The following PDZD2 variants were observed in gnomAD, a reference collection of about 807,000 sequenced individuals.
The protein encoded by PDZD2 is PDZ domain-containing protein 2.
PDZD2 carries 90 observed loss-of-function variants against 220.7 expected under a neutral mutation model. The ratio of observed to expected loss-of-function variants is 0.41; its 90% CI spans 0.34 to 0.49. The LOEUF is 0.49. Among genes scored for constraint, PDZD2 ranks in the 20% least tolerant of loss-of-function variants. PDZD2 has a pLI of 0.28. For missense variants in PDZD2, 3,174 were observed against 3,608.5 expected (o/e 0.88, Z 3.08); for synonymous variants, 1,375 against 1,450.5 (o/e 0.95, Z 1.18).
intron 14 of PDZD2, among the ~76,000 whole-genome samples, chr5:32,067,647 A>C (rs1291272074): frequency 1.3e-5 from 2 of 152,220 alleles, no homozygotes; most frequent in Non-Finnish European, 2.9e-5. Context: ...ATATTATTTT[A>C]GTACATAAAA....
chr5:32,045,478 G>A (rs1416727357), intron 7 of PDZD2, among the ~76,000 whole-genome samples: 1 of 150,930 alleles, frequency 6.6e-6, no homozygotes, highest in Non-Finnish European at 1.5e-5. Context: ...CTGGAGTGCG[G>A]TGGCGTGATC....
chr5:31,992,437 GTATATATA>G (rs35302605), intron 3 of PDZD2, among the ~76,000 whole-genome samples: 1 of 151,392 alleles, frequency 6.6e-6, no homozygotes, highest in Non-Finnish European at 1.5e-5. Flanking sequence ...TCTTCTGTCA[GTATATATA>G]TATATACATT....
chr5:31,921,759 A>G (rs1238889841), intron 2 of PDZD2, among the ~76,000 whole-genome samples: 1 of 152,090 alleles, frequency 6.6e-6, no homozygotes, highest in East Asian at 1.9e-4. Context: ...TATTCTTGCT[A>G]CTTAGATTAT....
At chr5:31,843,855 C>CT (rs1250473336) in intron 2 of PDZD2, 4 of 152,184 alleles carry the variant, frequency 2.6e-5, no homozygotes, top group African/African-American at 9.7e-5. Flanking sequence ...CCCCTAAAGC[C>CT]TGGAGAGGAA....
In PDZD2 at chr5:32,074,154, C is replaced by T. The variant is rs376480655; in HGVS notation, c.3048C>T (p.Asn1016=). The T allele has an allele frequency of 2.5e-6, 4 of 1,614,082 alleles. No individual in the cohort carries two copies. The highest frequency in any genetic ancestry group is 3.4e-6 in the Non-Finnish European group (4 of 1,180,032). ...CTTCCAAGGGCATGGACGTCCACAA[C>T]CAAGAGGAACGACCCCGGAAAACAC... The part of the protein sequence containing the change: ...ISSSKGMDVH[N]QEERPRKTLV... Residue 1016 remains asparagine, a synonymous_variant, in exon 18 of 25, where the codon AAC becomes AAT. Transcript: ENST00000438447.
chr5:31,793,785 C>G (rs1753852945), intron 1 of PDZD2, among the ~76,000 whole-genome samples: 1 of 152,138 alleles, frequency 6.6e-6, no homozygotes, highest in East Asian at 1.9e-4. Flanking sequence ...CCAGCATGGG[C>G]AACAGAGTGA....
intron 3 of PDZD2, among the ~76,000 whole-genome samples, chr5:31,984,566 G>A (rs920157460): frequency 6.6e-6 from 1 of 150,500 alleles, no homozygotes; most frequent in Non-Finnish European, 1.5e-5. Context: ...TTGAGGCCAG[G>A]CGCGGCAGCT....
Position 31,983,524 on chromosome 5 carries a change from G to A in PDZD2, c.846G>A (p.Glu282=). 6.2e-7 allele frequency: 1 copy of A among 1,614,202 alleles called. No individual in the cohort carries two copies. Among genetic ancestry groups the A allele is most frequent in the Middle Eastern group, 1.6e-4 (1 of 6,062 alleles). The part of the protein sequence containing the change: ...SLKEVAGPHL[E]RSEVDRGTEH... The stretch of plus-strand genomic sequence containing the variant: ...AGGAGGTGGCTGGACCCCATCTAGA[G>A]AGGTCAGAAGTGGACAGAGGGACAG... Residue 282 remains glutamate (E), a synonymous_variant, in exon 3 of 25, where the codon GAG becomes GAA. Coordinates refer to ENST00000438447, the MANE Select transcript of PDZD2 (RefSeq NM_178140.4).
chr5:32,077,440 C>T, intron 18 of PDZD2, 22 bp from the exon 19 acceptor site: 2 of 1,612,218 alleles, frequency 1.2e-6, no homozygotes, highest in South Asian at 1.1e-5. Flanking sequence ...TTTCAAGTGG[C>T]TTGTGGTTGT....
intron 2 of PDZD2, among the ~76,000 whole-genome samples, chr5:31,859,005 G>A (rs898005209): frequency 3.9e-5 from 6 of 151,950 alleles, no homozygotes; most frequent in African/African-American, 7.3e-5. Context: ...GTGAGCCCCC[G>A]AGCCCAGCCA....
chr5:31,999,031 A>G (rs898707928), intron 4 of PDZD2, among the ~76,000 whole-genome samples: 2 of 152,274 alleles, frequency 1.3e-5, no homozygotes, highest in African/African-American at 4.8e-5. Flanking sequence ...GCTCTGGCAC[A>G]GTGTGCCATG....
intron 2 of PDZD2, among the ~76,000 whole-genome samples, chr5:31,937,353 G>C (rs1027704742): frequency 1.3e-5 from 2 of 152,190 alleles, no homozygotes; most frequent in African/African-American, 2.4e-5. Context: ...GAGGTAGGTG[G>C]AGAATTTTGT....
intron 2 of PDZD2, among the ~76,000 whole-genome samples, chr5:31,865,300 TTTTTG>T (rs1561522653): frequency 6.6e-6 from 1 of 151,994 alleles, no homozygotes; most frequent in Non-Finnish European, 1.5e-5. Flanking sequence ...TTTGTTGTTG[TTTTTG>T]TTTTGTTTTG....
chr5:31,732,260 T>C (rs997736587), intron 1 of PDZD2, among the ~76,000 whole-genome samples: 3 of 152,172 alleles, frequency 2.0e-5, no homozygotes, highest in Admixed American at 2.0e-4. Flanking sequence ...TGAGCTTCAG[T>C]GTGGAGAGGT....
At chr5:31,673,686 C>A (rs1042773182) in intron 1 of PDZD2, among the ~76,000 whole-genome samples, 1 of 152,070 alleles carries the variant, frequency 6.6e-6, no homozygotes, top group African/African-American at 2.4e-5. Context: ...AGAAGAGATA[C>A]TAGGCAGGGT....
chr5:31,987,334 A>T (rs1750800934), intron 3 of PDZD2, among the ~76,000 whole-genome samples: 1 of 152,222 alleles, frequency 6.6e-6, no homozygotes, highest in Non-Finnish European at 1.5e-5. Flanking sequence ...GTACACTACC[A>T]GACCCTTTTC....
At chr5:31,859,293 CCT>C (rs1737464465) in intron 2 of PDZD2, among the ~76,000 whole-genome samples, 1 of 152,144 alleles carries the variant, frequency 6.6e-6, no homozygotes, top group African/African-American at 2.4e-5. Context: ...TTGCAATTCC[CCT>C]GTCTTGATAA....
chr5:31,733,262 G>C (rs1018139654), intron 1 of PDZD2, among the ~76,000 whole-genome samples: 2 of 152,144 alleles, frequency 1.3e-5, no homozygotes, highest in Non-Finnish European at 1.5e-5. Context: ...TGGGAACAAC[G>C]CTTTGTGATT....
Position 31,699,792 on chromosome 5 carries a change from G to GTT in PDZD2, c.-361+60364_-361+60365dup, listed in dbSNP as rs397780799. Among the ~76,000 whole-genome samples, 679 of 134,292 alleles carry GTT rather than the reference G, an allele frequency of 5.1e-3. 4 individuals are homozygous for GTT. The highest frequency in any genetic ancestry group is 0.017 in the African/African-American group (616 of 35,862). The allele number at this position is 134,292 out of a possible 152,430, so 88.1% of individuals were successfully genotyped here. On this transcript the variant is annotated intron_variant, in intron 1 of 24. Coordinates refer to ENST00000438447, the MANE Select transcript of PDZD2 (RefSeq NM_178140.4). ...GTTTTTTTTTGTTTGTTTTTTTTTT[G>GTT]TTTTTTTTTTGGTATTTTAGTAGAG... is the stretch of plus-strand genomic sequence containing the variant.
Sources: gnomAD v4.1 joint callset for allele counts (sites outside exome capture counted in the v4.1 genomes callset) on GRCh38, gnomAD v4.1.1 for gene constraint, MANE v1.5 for transcripts, NCBI Gene and HGNC (gene_info 2026-07-23, HGNC 2026-07-21) for gene names.